The following COL23A1 variants were observed in gnomAD, a reference collection of about 807,000 sequenced individuals.
The protein encoded by COL23A1 is collagen type XXIII alpha 1 chain.
A neutral mutation model predicts 99.3 loss-of-function variants in COL23A1; 97 were observed. The observed-to-expected ratio is 0.98, with a 90% CI of 0.83 to 1.16. The LOEUF (loss-of-function observed/expected upper bound fraction) is 1.16. Among genes scored for constraint, COL23A1 ranks in the 50% most tolerant of loss-of-function variants. The pLI, the probability that COL23A1 is intolerant of heterozygous loss-of-function variation, is 0.00. For missense variants in COL23A1, 762 were observed against 757.4 expected (o/e 1.01, Z -0.07); for synonymous variants, 320 against 308.2 (o/e 1.04, Z -0.40).
At chr5:178,379,185 A>G (rs920450105) in intron 2 of COL23A1, among the ~76,000 whole-genome samples, 4 of 152,112 alleles carry the variant, frequency 2.6e-5, no homozygotes, top group South Asian at 2.1e-4. Context: ...TATCTATGAG[A>G]CAATTAAAAA....
At chr5:178,261,656 AGGT>A in intron 11 of COL23A1, 63 bp downstream of exon 11, 1 of 1,095,058 alleles carries the variant, frequency 9.1e-7, no homozygotes, top group Non-Finnish European at 1.4e-6. Flanking sequence ...CAGGAAGTGG[AGGT>A]GGTGGTGGGG....
intron 2 of COL23A1, among the ~76,000 whole-genome samples, chr5:178,375,852 C>T (rs912949842): frequency 1.3e-5 from 2 of 152,174 alleles, no homozygotes; most frequent in African/African-American, 4.8e-5. Flanking sequence ...GGATTATAGG[C>T]GCCTGCCACC....
At chr5:178,379,133 G>A (rs1763236413) in intron 2 of COL23A1, among the ~76,000 whole-genome samples, 1 of 152,096 alleles carries the variant, frequency 6.6e-6, no homozygotes, top group African/African-American at 2.4e-5. Flanking sequence ...TTGGCTAACA[G>A]ATTGTGAACC....
intron 2 of COL23A1, among the ~76,000 whole-genome samples, chr5:178,360,962 A>G (rs1432298246): frequency 1.3e-5 from 2 of 152,160 alleles, no homozygotes; most frequent in African/African-American, 4.8e-5. Flanking sequence ...CGTTTTTGAC[A>G]TTCGGCTTTG....
intron 2 of COL23A1, among the ~76,000 whole-genome samples, chr5:178,474,170 C>T (rs758186780): frequency 3.9e-5 from 6 of 152,188 alleles, no homozygotes; most frequent in East Asian, 3.8e-4. Context: ...CCCATCAATG[C>T]GCAGCTCTGT....
intron 2 of COL23A1, among the ~76,000 whole-genome samples, chr5:178,427,129 GGCAGAGGTT>G (rs2127809484): frequency 6.6e-6 from 1 of 152,356 alleles, no homozygotes. Flanking sequence ...GAACCTGGGA[GGCAGAGGTT>G]GCAGTGATCA....
chr5:178,344,642 C>CAA (rs200724984), intron 2 of COL23A1, among the ~76,000 whole-genome samples: 11 of 146,396 alleles, frequency 7.5e-5, no homozygotes, highest in African/African-American at 2.0e-4. Context: ...GATTCTGTCT[C>CAA]AAAAAAAAAA....
intron 3 of COL23A1, among the ~76,000 whole-genome samples, chr5:178,297,428 G>A (rs1187541880): frequency 6.6e-6 from 1 of 152,230 alleles, no homozygotes; most frequent in East Asian, 1.9e-4. Flanking sequence ...TGAGGCAGAA[G>A]AATCGCTTGA....
chr5:178,489,708 A>C (rs1405415039), intron 2 of COL23A1, among the ~76,000 whole-genome samples: 1 of 152,198 alleles, frequency 6.6e-6, no homozygotes, highest in Admixed American at 6.5e-5. Context: ...AAACTGCAGC[A>C]AGGTCTCTGA....
chr5:178,535,865 G>A (rs1166003973), intron 2 of COL23A1, among the ~76,000 whole-genome samples: 1 of 152,260 alleles, frequency 6.6e-6, no homozygotes, highest in African/African-American at 2.4e-5. Context: ...CCCTATCTGC[G>A]GGGCAAGGGA....
At chr5:178,510,239 A>G (rs887263985) in intron 2 of COL23A1, among the ~76,000 whole-genome samples, 1 of 152,224 alleles carries the variant, frequency 6.6e-6, no homozygotes, top group African/African-American at 2.4e-5. Context: ...TTAAGTTGAC[A>G]GAATTAGAAC....
intron 2 of COL23A1, among the ~76,000 whole-genome samples, chr5:178,497,040 T>C (rs1758233469): frequency 6.6e-6 from 1 of 152,180 alleles, no homozygotes; most frequent in African/African-American, 2.4e-5. Context: ...GTTTCCTGGC[T>C]GAGGACTGAA....
intron 2 of COL23A1, among the ~76,000 whole-genome samples, chr5:178,373,478 G>A (rs1031175196): frequency 6.6e-6 from 1 of 152,094 alleles, no homozygotes; most frequent in Non-Finnish European, 1.5e-5. Flanking sequence ...GTGCAGTGGT[G>A]CAATCTCGGC....
At chr5:178,457,164 G>A (rs1448909763) in intron 2 of COL23A1, among the ~76,000 whole-genome samples, 1 of 152,168 alleles carries the variant, frequency 6.6e-6, no homozygotes, top group Non-Finnish European at 1.5e-5. Context: ...TGGACTAAAA[G>A]ATTGAACAGA....
chr5:178,577,059 G>A (rs1404236214), intron 1 of COL23A1, among the ~76,000 whole-genome samples: 1 of 152,088 alleles, frequency 6.6e-6, no homozygotes, highest in Non-Finnish European at 1.5e-5. Context: ...ACTCCCCGCC[G>A]GGGTCCTCCC....
rs1765090895 is a variant in COL23A1, at chr5:178,252,558, TCCCTGGTGG to T, written c.991_999del (p.Pro331_Gly333del). The T allele has an allele frequency of 6.2e-7, 1 of 1,611,862 alleles. No individual in the cohort carries two copies. Among genetic ancestry groups the T allele is most frequent in the African/African-American group, 1.3e-5 (1 of 74,914 alleles). ...TCTGCACTGACCTTGGCTCCAGGGATCCCTGGTGGCCCTGGGGGCCCCTGTGGTCCGGGA... is the reference window on the plus strand; with the variant it reads ...TCTGCACTGACCTTGGCTCCAGGGATCCCTGGGGGCCCCTGTGGTCCGGGA... On this transcript the variant is annotated inframe_deletion, in exon 17 of 29. Transcript: ENST00000390654.
chr5:178,274,900 T>A (rs1322540771), intron 5 of COL23A1, among the ~76,000 whole-genome samples: 1 of 152,240 alleles, frequency 6.6e-6, no homozygotes, highest in Non-Finnish European at 1.5e-5. Context: ...CCTTCTGCCC[T>A]CTGAGAAACC....
rs879492546 is a variant in COL23A1, at chr5:178,280,272, G to A, written c.441+8052C>T. On this transcript the variant is annotated intron_variant, in intron 5 of 28. Transcript: ENST00000390654. This position sits in a 1 kb window ranked among gnomAD's most constrained non-coding sequence, Gnocchi z 4.9. ...TTGAGGATGCAGGCCCAAAAGGGGCGCCTTCAGCCTCACAGGCTTCCCTGG... is the reference window on the plus strand; with the variant it reads ...TTGAGGATGCAGGCCCAAAAGGGGCACCTTCAGCCTCACAGGCTTCCCTGG... 5.9e-5 allele frequency among the ~76,000 whole-genome samples: 9 copies of A among 152,226 alleles called. No homozygotes were observed. Among genetic ancestry groups the A allele is most frequent in the Non-Finnish European group, 1.2e-4 (8 of 68,036 alleles).
chr5:178,501,172 G>A (rs925507420), intron 2 of COL23A1, among the ~76,000 whole-genome samples: 2 of 152,136 alleles, frequency 1.3e-5, no homozygotes, highest in Admixed American at 1.3e-4. Context: ...TAGGGACCTT[G>A]GGACCCAAGG....
Sources: gnomAD v4.1 joint callset for allele counts (sites outside exome capture counted in the v4.1 genomes callset) on GRCh38, gnomAD v4.1.1 for gene constraint, Gnocchi (gnomAD v3.1) non-coding constraint, MANE v1.5 for transcripts, NCBI Gene and HGNC (gene_info 2026-07-23, HGNC 2026-07-21) for gene names.